TRDN: variants seen among roughly 807,000 people sequenced by gnomAD.
TRDN encodes the protein triadin in skeletal muscle.
TRDN carries 161 observed loss-of-function variants against 149.7 expected under a neutral mutation model. That is an observed-to-expected ratio of 1.08 (90% CI 0.95 to 1.23). The LOEUF (loss-of-function observed/expected upper bound fraction) is 1.23. Ranked by LOEUF, TRDN falls within the 50% of genes most tolerant of loss-of-function variation. The pLI, the probability that TRDN is intolerant of heterozygous loss-of-function variation, is 0.00. For synonymous variants in TRDN, 294 were observed against 250.5 expected (o/e 1.17, Z -1.64); for missense variants, 896 against 823.5 (o/e 1.09, Z -1.08).
rs1219707706 is a variant in TRDN, at chr6:123,291,725, A to C, written c.1511-12643T>G. On this transcript the variant is annotated intron_variant, in intron 24 of 40. Coordinates refer to ENST00000334268, the MANE Select transcript of TRDN (RefSeq NM_006073.4). ...ATTAAAGAAAATTATTTGTAAAAAA[A>C]CTTTTTACAAATGGCCTAAATATCA... Among the ~76,000 whole-genome samples the C allele has an allele frequency of 2.0e-5, 3 of 152,214 alleles. No homozygotes were observed. The East Asian group carries it at 5.8e-4, about 29-fold the overall frequency.
In TRDN at chr6:123,587,963, G is replaced by T. The variant is rs545935219; in HGVS notation, c.23-16831C>A. Reference sequence around the variant, plus strand: ...TGTCGATCTGGATGTGTACGTGCAGGTCACAGGGGATATGATGGCTTAGCT... The same window carrying T: ...TGTCGATCTGGATGTGTACGTGCAGTTCACAGGGGATATGATGGCTTAGCT... On this transcript the variant is annotated intron_variant, in intron 1 of 40. Coordinates refer to ENST00000334268, the MANE Select transcript of TRDN (RefSeq NM_006073.4). 3.9e-5 allele frequency among the ~76,000 whole-genome samples: 6 copies of T among 152,292 alleles called. No individual in the cohort carries two copies. The South Asian group carries it at 1.2e-3, about 32-fold the overall frequency.
chr6:123,333,793 T>C (rs752865917), intron 22 of TRDN, among the ~76,000 whole-genome samples: 1 of 152,068 alleles, frequency 6.6e-6, no homozygotes, highest in Admixed American at 6.6e-5. Flanking sequence ...ATCTATCTTG[T>C]TTGTCAAAAG....
chr6:123,417,512 T>C (rs1431799660), intron 12 of TRDN, among the ~76,000 whole-genome samples: 2 of 152,158 alleles, frequency 1.3e-5, no homozygotes, highest in South Asian at 2.1e-4. Flanking sequence ...ATCAGAAATA[T>C]GGTCAAAGGG....
chr6:123,398,989 G>A (rs1452230748), intron 12 of TRDN, among the ~76,000 whole-genome samples: 4 of 151,986 alleles, frequency 2.6e-5, no homozygotes, highest in Non-Finnish European at 5.9e-5. Flanking sequence ...ATGTATTTTT[G>A]TTTTGGAATC....
At chr6:123,404,360 A>G (rs1462734271) in intron 12 of TRDN, among the ~76,000 whole-genome samples, 4 of 152,212 alleles carry the variant, frequency 2.6e-5, no homozygotes, top group African/African-American at 7.2e-5. Flanking sequence ...GAGATGTAAT[A>G]TCACTGAATT....
chr6:123,260,180 A>AG (rs1388104006), intron 34 of TRDN, among the ~76,000 whole-genome samples: 1 of 152,030 alleles, frequency 6.6e-6, no homozygotes, highest in African/African-American at 2.4e-5. Context: ...TAGAAACAAT[A>AG]GGAAAAAAAA....
intron 14 of TRDN, among the ~76,000 whole-genome samples, chr6:123,383,305 A>G (rs1025746196): frequency 8.5e-5 from 13 of 152,110 alleles, no homozygotes; most frequent in Non-Finnish European, 1.8e-4. Flanking sequence ...GGTGAAGGTA[A>G]TGTCCCACTT....
rs1446733532 is a variant in TRDN, at chr6:123,570,983, T to C, written c.172A>G (p.Ile58Val). The change falls in exon 2 of 41, where the codon ATC becomes GTC. Residue 58 changes from isoleucine (I) to valine (V), a missense_variant. Coordinates refer to ENST00000334268, the MANE Select transcript of TRDN (RefSeq NM_006073.4). ...ACGATGGCAACAGCTGACCACGTGA[T>C]TATCAGGGCAATGACCAGAAGCCAG... ...AAWLLVIALI[I>V]TWSAVAIVMF... 1 of 1,613,994 alleles carries C rather than the reference T, an allele frequency of 6.2e-7. No homozygotes were observed. Among genetic ancestry groups the C allele is most frequent in the East Asian group, 2.2e-5 (1 of 44,880 alleles).
intron 10 of TRDN, among the ~76,000 whole-genome samples, chr6:123,448,029 T>A (rs543791409): frequency 1.3e-5 from 2 of 152,062 alleles, no homozygotes; most frequent in East Asian, 3.9e-4. Flanking sequence ...AGGAGCTGAG[T>A]CAATTTGGAG....
intron 12 of TRDN, among the ~76,000 whole-genome samples, chr6:123,414,010 CT>C (rs1209341511): frequency 1.3e-5 from 2 of 152,006 alleles, no homozygotes; most frequent in African/African-American, 4.8e-5. Flanking sequence ...ATTTTCTTAC[CT>C]TTTAATCACA....
chr6:123,228,122 G>A (rs998269292), intron 38 of TRDN, among the ~76,000 whole-genome samples: 184 of 151,894 alleles, frequency 1.2e-3, no homozygotes, highest in African/African-American at 4.3e-3. Flanking sequence ...ACTGTTCTAA[G>A]CACTTTATAA....
intron 20 of TRDN, among the ~76,000 whole-genome samples, chr6:123,364,423 C>T (rs28513531): frequency 0.079 from 12,034 of 152,100 alleles, 1,601 homozygotes; most frequent in African/African-American, 0.27. Context: ...CAGATCACAA[C>T]GTCAAGAGAT....
intron 1 of TRDN, among the ~76,000 whole-genome samples, chr6:123,624,316 C>T (rs1036519703): frequency 1.3e-5 from 2 of 152,108 alleles, no homozygotes; most frequent in Non-Finnish European, 2.9e-5. Context: ...GCACATCATT[C>T]TAGCCAGACC....
intron 10 of TRDN, among the ~76,000 whole-genome samples, chr6:123,460,406 G>A (rs1473325967): frequency 6.6e-6 from 1 of 152,074 alleles, no homozygotes; most frequent in Non-Finnish European, 1.5e-5. Context: ...GCTAGAAAAT[G>A]TGCTATATTG....
chr6:123,592,097 G>A (rs9490824), intron 1 of TRDN, among the ~76,000 whole-genome samples: 52,749 of 151,966 alleles, frequency 0.35, 9,211 homozygotes, highest in East Asian at 0.43. Context: ...CATCCTGCTC[G>A]TCCAAATAGA....
chr6:123,273,837 G>A (rs770671438), intron 27 of TRDN, among the ~76,000 whole-genome samples: 1 of 151,888 alleles, frequency 6.6e-6, no homozygotes, highest in Non-Finnish European at 1.5e-5. Flanking sequence ...GAGCCTGAGG[G>A]TTTTTTTGAA....
intron 12 of TRDN, among the ~76,000 whole-genome samples, chr6:123,425,560 G>A (rs1774086904): frequency 6.6e-6 from 1 of 151,928 alleles, no homozygotes; most frequent in Non-Finnish European, 1.5e-5. Context: ...AAGAAAGGGA[G>A]GAAGCCAGCA....
chr6:123,571,750 T>C (rs1048855225), intron 1 of TRDN, among the ~76,000 whole-genome samples: 5 of 152,128 alleles, frequency 3.3e-5, no homozygotes, highest in African/African-American at 1.2e-4. Flanking sequence ...TAAATATGGT[T>C]TATCTGGTTT....
At chr6:123,533,164 A>T (rs1780332772) in intron 4 of TRDN, among the ~76,000 whole-genome samples, 2 of 152,156 alleles carry the variant, frequency 1.3e-5, no homozygotes, top group African/African-American at 4.8e-5. Context: ...TGAAATTTTT[A>T]AAATTGAAAA....
Sources: gnomAD v4.1 joint callset for allele counts (sites outside exome capture counted in the v4.1 genomes callset) on GRCh38, gnomAD v4.1.1 for gene constraint, MANE v1.5 for transcripts, NCBI Gene and HGNC (gene_info 2026-07-23, HGNC 2026-07-21) for gene names.